Variants in SLC27A6 observed in about 807,000 individuals in gnomAD.
SLC27A6 encodes solute carrier family 27 member 6.
In SLC27A6, 74 loss-of-function variants were observed where a neutral mutation model predicts 63.9. That is an observed-to-expected ratio of 1.16 (90% CI 0.96 to 1.40). The LOEUF is 1.40. Among genes scored for constraint, SLC27A6 ranks in the 40% most tolerant of loss-of-function variants. SLC27A6 has a pLI of 0.00. For synonymous variants in SLC27A6, 287 were observed against 260.8 expected, an observed-to-expected ratio of 1.10 and a Z score of -0.97; for missense variants, 794 against 732.9, an observed-to-expected ratio of 1.08 and a Z score of -0.96.
intron 5 of SLC27A6, among the ~76,000 whole-genome samples, chr5:129,018,423 C>G (rs1751976421): frequency 6.6e-6 from 1 of 152,096 alleles, no homozygotes; most frequent in Non-Finnish European, 1.5e-5. Flanking sequence ...CCATTCAAAG[C>G]TGGTGTAAAT....
At chr5:128,994,912 A>G (rs924970087) in intron 4 of SLC27A6, among the ~76,000 whole-genome samples, 2 of 152,196 alleles carry the variant, frequency 1.3e-5, no homozygotes, top group African/African-American at 4.8e-5. Context: ...TCCAGTTACA[A>G]AAGTTCTTTT....
chr5:128,983,402 C>A (rs933920522), intron 1 of SLC27A6, among the ~76,000 whole-genome samples: 7 of 147,042 alleles, frequency 4.8e-5, no homozygotes, highest in African/African-American at 1.8e-4. Flanking sequence ...AAGCGATTCT[C>A]CTGCCTCAGC....
rs772073423 is a variant in SLC27A6 at position 129,029,608 on chromosome 5, T to C, written c.1584T>C (p.Ile528=). 3.1e-6 allele frequency: 5 copies of C among 1,593,550 alleles called. No homozygotes were observed. The highest frequency in any genetic ancestry group is 4.3e-6 in the Non-Finnish European group (5 of 1,171,630). The change falls in exon 9 of 10, where the codon ATT becomes ATC. Residue 528 remains isoleucine, a synonymous_variant. Coordinates refer to ENST00000262462, the MANE Select transcript of SLC27A6 (RefSeq NM_001017372.3). The part of the protein sequence containing the change: ...GYEGRAGMAS[I]ILKPNTSLDL... ...AAGGAAGAGCAGGAATGGCTTCTAT[T>C]ATTTTAAAACCAAATACATCTTTAG... is the stretch of plus-strand genomic sequence containing the variant.
chr5:129,005,344 G>A (rs1464644395), intron 4 of SLC27A6, among the ~76,000 whole-genome samples: 2 of 152,160 alleles, frequency 1.3e-5, no homozygotes, highest in African/African-American at 4.8e-5. Context: ...TCTGGATAAG[G>A]AAACTTTATA....
chr5:128,972,669 A>G (rs951094162), intron 1 of SLC27A6, among the ~76,000 whole-genome samples: 1 of 152,128 alleles, frequency 6.6e-6, no homozygotes, highest in Non-Finnish European at 1.5e-5. Context: ...CCATTCATCT[A>G]ATCTTTTTTC....
intron 1 of SLC27A6, among the ~76,000 whole-genome samples, chr5:128,979,183 T>G (rs1281946901): frequency 1.0e-5 from 1 of 100,078 alleles, no homozygotes; most frequent in Middle Eastern, 4.5e-3. Flanking sequence ...TTTGCTCAGG[T>G]CTCTTCATTT....
intron 6 of SLC27A6, among the ~76,000 whole-genome samples, chr5:129,024,510 A>T (rs948283742): frequency 3.9e-5 from 6 of 152,002 alleles, no homozygotes; most frequent in African/African-American, 1.4e-4. Flanking sequence ...ATTAAATGGG[A>T]TGTATATATA....
At chr5:128,987,561 A>C (rs988326247) in intron 2 of SLC27A6, among the ~76,000 whole-genome samples, 5 of 152,200 alleles carry the variant, frequency 3.3e-5, no homozygotes, top group African/African-American at 1.2e-4. Flanking sequence ...TCAAAAAATT[A>C]TTATTGTTAA....
At position 129,033,299 on chromosome 5, in the gene SLC27A6, A is replaced by G; in HGVS notation, c.*17A>G. 6.8e-7 allele frequency: 1 copy of G among 1,467,812 alleles called. No homozygotes were observed. The highest frequency in any genetic ancestry group is 9.3e-7 in the Non-Finnish European group (1 of 1,076,766). 90.9% of individuals were successfully genotyped at this position (1,467,812 alleles called of 1,614,324 possible). ...AAACTTTAAGATTTTTATATCTAGA[A>G]CTTTCATATGCTTTCTTAGGAAGAG... On this transcript the variant is annotated 3_prime_UTR_variant, in exon 10 of 10. Coordinates refer to ENST00000262462, the MANE Select transcript of SLC27A6 (RefSeq NM_001017372.3).
intron 1 of SLC27A6, among the ~76,000 whole-genome samples, chr5:128,968,944 G>A (rs141045965): frequency 0.24 from 36,688 of 152,128 alleles, 4,985 homozygotes; most frequent in Middle Eastern, 0.33. Context: ...TTTTGTATAA[G>A]GTGTAAGGAA....
chr5:128,978,508 G>A (rs555693581), intron 1 of SLC27A6, among the ~76,000 whole-genome samples: 4 of 152,262 alleles, frequency 2.6e-5, no homozygotes, highest in African/African-American at 7.2e-5. Flanking sequence ...TTTGCCTGGT[G>A]GTTTAGCTGA....
At chr5:128,983,148 C>G (rs1750649568) in intron 1 of SLC27A6, among the ~76,000 whole-genome samples, 1 of 152,018 alleles carries the variant, frequency 6.6e-6, no homozygotes, top group Non-Finnish European at 1.5e-5. Context: ...ATGTTTAATG[C>G]AGAACTCTGA....
chr5:129,003,333 A>G (rs1200559349), intron 4 of SLC27A6, among the ~76,000 whole-genome samples: 1 of 152,234 alleles, frequency 6.6e-6, no homozygotes, highest in Non-Finnish European at 1.5e-5. Context: ...TTTGCTGTGA[A>G]ACTTAGGTAC....
intron 4 of SLC27A6, among the ~76,000 whole-genome samples, chr5:129,002,500 CTCTCGTTCCCTG>C (rs1375694000): frequency 0.22 from 33,603 of 149,966 alleles, 4,965 homozygotes; most frequent in East Asian, 0.7. Context: ...TTCCTTCCCT[CTCTCGTTCCCTG>C]GTTCCCTCCC....
chr5:128,966,770 G>T (rs188611639), intron 1 of SLC27A6, 152 bp downstream of exon 1: 2 of 813,544 alleles, frequency 2.5e-6, no homozygotes, highest in Non-Finnish European at 3.4e-6. Context: ...TTCTATGCTG[G>T]TTTAACAACT....
In SLC27A6 at chr5:128,966,061, C is replaced by A; in HGVS notation, c.-77C>A. The A allele has an allele frequency of 1.3e-6, 2 of 1,494,346 alleles. No homozygotes were observed. The highest frequency in any genetic ancestry group is 1.8e-6 in the Non-Finnish European group (2 of 1,121,770). The allele number at this position is 1,494,346 out of a possible 1,614,324, so 92.6% of individuals were successfully genotyped here. A position where few individuals can be genotyped will look rare whatever the true frequency, so the allele number is the denominator to read the frequency against. ...CTGAGTAGTGAGGATCTGCGGTCTC[C>A]GTGGAGAGCTGTGCCTGGAAGAGAA... On this transcript the variant is annotated 5_prime_UTR_variant, in exon 1 of 10. Transcript: ENST00000262462.
chr5:128,987,038 C>G (rs895624186), intron 2 of SLC27A6, among the ~76,000 whole-genome samples: 35 of 152,050 alleles, frequency 2.3e-4, no homozygotes, highest in Admixed American at 1.3e-4. Flanking sequence ...GATAGAAGTC[C>G]TGAGACGTAA....
intron 1 of SLC27A6, among the ~76,000 whole-genome samples, chr5:128,978,894 C>T (rs1399046020): frequency 5.3e-5 from 8 of 152,040 alleles, no homozygotes; most frequent in Non-Finnish European, 1.0e-4. Flanking sequence ...AATACACAAA[C>T]ACATATTACT....
At chr5:129,005,608 ATTTTTTT>A (rs34048257) in intron 4 of SLC27A6, among the ~76,000 whole-genome samples, 1 of 98,916 alleles carries the variant, frequency 1.0e-5, no homozygotes, top group African/African-American at 3.9e-5. Flanking sequence ...GTCTGGTTGT[ATTTTTTT>A]TTTTTTTTTT....
Sources: allele counts gnomAD v4.1 joint callset (sites outside exome capture counted in the v4.1 genomes callset), GRCh38; gene constraint gnomAD v4.1.1; transcripts MANE v1.5; gene names NCBI Gene and HGNC (gene_info 2026-07-23, HGNC 2026-07-21).